Variants in ZFYVE28 observed in about 807,000 individuals in gnomAD.
ZFYVE28 encodes zinc finger FYVE-type containing 28.
ZFYVE28 carries 40 observed loss-of-function variants against 82.1 expected under a neutral mutation model. The observed-to-expected ratio is 0.49, with a 90% confidence interval of 0.38 to 0.63. ZFYVE28 has a LOEUF of 0.63. Among genes scored for constraint, ZFYVE28 ranks in the 30% least tolerant of loss-of-function variants. The pLI is 0.00. For missense variants in ZFYVE28, 1,321 were observed against 1,242.1 expected, an observed-to-expected ratio of 1.06 and a Z score of -0.96; for synonymous variants, 612 against 546.1, an observed-to-expected ratio of 1.12 and a Z score of -1.68.
At chr4:2,376,711 G>A (rs959608430) in intron 1 of ZFYVE28, among the ~76,000 whole-genome samples, 11 of 152,226 alleles carry the variant, frequency 7.2e-5, no homozygotes, top group East Asian at 1.9e-4. Flanking sequence ...TCCCTCCCAC[G>A]ACATGTGGGG....
At chr4:2,272,656 T>C (rs1305439044) in intron 10 of ZFYVE28, among the ~76,000 whole-genome samples, 1 of 152,164 alleles carries the variant, frequency 6.6e-6, no homozygotes, top group Non-Finnish European at 1.5e-5. Context: ...CCTCAGCAGC[T>C]CATGGGCAGC....
At chr4:2,284,202 C>T (rs1712385882) in intron 8 of ZFYVE28, among the ~76,000 whole-genome samples, 1 of 152,190 alleles carries the variant, frequency 6.6e-6, no homozygotes, top group Admixed American at 6.5e-5. Context: ...GGGAGTCAGC[C>T]AGCCTGCAAA....
At chr4:2,289,603 G>A (rs1245342775) in intron 8 of ZFYVE28, among the ~76,000 whole-genome samples, 1 of 152,096 alleles carries the variant, frequency 6.6e-6, no homozygotes, top group Non-Finnish European at 1.5e-5. Flanking sequence ...CAGCCCCATC[G>A]CCCCCTGGGG....
At chr4:2,395,131 C>T (rs4974654) in intron 1 of ZFYVE28, among the ~76,000 whole-genome samples, 18,628 of 152,046 alleles carry the variant, frequency 0.12, 1,300 homozygotes, top group Non-Finnish European at 0.14. Context: ...CACTGGTGTC[C>T]GATCCTGGCA....
chr4:2,397,343 C>A (rs6827437), intron 1 of ZFYVE28, among the ~76,000 whole-genome samples: 1 of 151,600 alleles, frequency 6.6e-6, no homozygotes, highest in African/African-American at 2.4e-5. Flanking sequence ...CCTTACGTGG[C>A]GGCACGTGCC....
intron 1 of ZFYVE28, among the ~76,000 whole-genome samples, chr4:2,403,874 CAGG>C (rs1731478770): frequency 6.7e-6 from 1 of 150,322 alleles, no homozygotes; most frequent in Non-Finnish European, 1.5e-5. Context: ...GAGGCTAAGG[CAGG>C]AGAATAGCTT....
At chr4:2,353,892 GC>G in intron 2 of ZFYVE28, 40 bp downstream of exon 2, 1 of 1,448,758 alleles carries the variant, frequency 6.9e-7, no homozygotes. Context: ...TCTGTCCAAT[GC>G]CCAGCGGGGC....
At chr4:2,414,915 A>C (rs1360305849) in intron 1 of ZFYVE28, among the ~76,000 whole-genome samples, 4 of 152,242 alleles carry the variant, frequency 2.6e-5, no homozygotes, top group African/African-American at 4.8e-5. Context: ...TCTTGAAAAG[A>C]CTTTAAAGAA....
intron 6 of ZFYVE28, chr4:2,331,063 A>T (rs1720610144): frequency 3.2e-6 from 3 of 929,910 alleles, no homozygotes; most frequent in Admixed American, 3.2e-5. Context: ...GGAGGAAGGC[A>T]GGGGTAGACG....
chr4:2,414,118 G>A (rs2108691042), intron 1 of ZFYVE28, among the ~76,000 whole-genome samples: 1 of 152,358 alleles, frequency 6.6e-6, no homozygotes, highest in Non-Finnish European at 1.5e-5. Flanking sequence ...GGTGGCCAAG[G>A]TACAGAGTGC....
At chr4:2,350,428 C>T (rs1035584311) in intron 2 of ZFYVE28, among the ~76,000 whole-genome samples, 1 of 151,352 alleles carries the variant, frequency 6.6e-6, no homozygotes, top group South Asian at 2.1e-4. Context: ...CGCGCCACTG[C>T]ACTCCAGCCT....
At position 2,408,460 on chromosome 4, in the gene ZFYVE28, A is replaced by C. The variant is rs1464357089; in HGVS notation, c.39+9825T>G. 2.6e-5 allele frequency among the ~76,000 whole-genome samples: 4 copies of C among 152,090 alleles called. No homozygotes were observed. The highest frequency in any genetic ancestry group is 5.9e-5 in the Non-Finnish European group (4 of 67,994). ...TGCCACTCTGCTCCACTGCCCTGAG[A>C]CTCAGCATCGGGGAGAAAGCCTGGA... On this transcript the variant is annotated intron_variant, in intron 1 of 12. Transcript: ENST00000290974. This position sits in a 1 kb window ranked among gnomAD's most constrained non-coding sequence, Gnocchi z 4.3.
rs1019903530 is a variant in ZFYVE28 at position 2,339,909 on chromosome 4, G to A, written c.319-254C>T. Among the ~76,000 whole-genome samples the A allele has an allele frequency of 3.3e-5, 5 of 150,762 alleles. No individual in the cohort carries two copies. The highest frequency in any genetic ancestry group is 1.2e-4 in the African/African-American group (5 of 41,078). On this transcript the variant is annotated intron_variant, in intron 3 of 12. Transcript: ENST00000290974. This position sits in a 1 kb window ranked among gnomAD's most constrained non-coding sequence, Gnocchi z 5.0. ...GGAGCAGGGAGGGCAGGGCATGGCA[G>A]GGCAGGTAAGGGCAGGGGAGGGGAG... is the stretch of plus-strand genomic sequence containing the variant.
intron 6 of ZFYVE28, among the ~76,000 whole-genome samples, chr4:2,322,922 G>A (rs534165394): frequency 2.6e-5 from 4 of 152,276 alleles, no homozygotes; most frequent in East Asian, 1.9e-4. Context: ...GAATGTTCCC[G>A]CGCATACATT....
intron 12 of ZFYVE28, 181 bp from the exon 13 acceptor site, chr4:2,271,037 T>G: frequency 1.1e-6 from 1 of 916,984 alleles, no homozygotes; most frequent in South Asian, 1.7e-5. Flanking sequence ...GTCCACGTCC[T>G]GCACCAAGGC....
Position 2,354,026 on chromosome 4 carries a change from C to T in ZFYVE28, c.87G>A (p.Glu29=). The T allele has an allele frequency of 1.3e-6, 2 of 1,579,328 alleles. No homozygotes were observed. Among genetic ancestry groups the T allele is most frequent in the South Asian group, 1.2e-5 (1 of 85,720 alleles). The change falls in exon 2 of 13, where the codon GAG becomes GAA. Residue 29 remains glutamate (E), a synonymous_variant. Coordinates refer to ENST00000290974, the MANE Select transcript of ZFYVE28 (RefSeq NM_020972.3). ...LLARFYYADE[E]LNQVAAELDS... ...CCAGCTCCGCGGCCACCTGGTTCAG[C>T]TCCTCGTCGGCATAGTAGAACCGGG... is the stretch of plus-strand genomic sequence containing the variant.
chr4:2,339,775 C>T lies in ZFYVE28; in HGVS notation c.319-120G>A. 2 of 848,584 alleles carry T rather than the reference C, an allele frequency of 2.4e-6. No homozygotes were observed. Among genetic ancestry groups the T allele is most frequent in the South Asian group, 1.8e-5 (1 of 56,140 alleles). The allele number at this position is 848,584 out of a possible 1,614,324, so 52.6% of individuals were successfully genotyped here. On this transcript the variant is annotated intron_variant, in intron 3 of 12. Coordinates refer to ENST00000290974, the MANE Select transcript of ZFYVE28 (RefSeq NM_020972.3). This position sits in a 1 kb window ranked among gnomAD's most constrained non-coding sequence, Gnocchi z 5.0. ...CCTCTTCTCACCCCACAGCACAGGC[C>T]AGCTCGTGTTCCCGGTCCCCGCAGG...
At position 2,304,446 on chromosome 4, in the gene ZFYVE28, C is replaced by T. The variant is rs759221803; in HGVS notation, c.1894G>A (p.Asp632Asn). 37 of 1,613,500 alleles carry T rather than the reference C, an allele frequency of 2.3e-5. No individual in the cohort carries two copies. The highest frequency in any genetic ancestry group is 5.3e-5 in the African/African-American group (4 of 74,946). ...NGREPKAPTS[D>N]KCLPHTSGSQ... Reference sequence around the variant, plus strand: ...CCTGAGGTGTGAGGCAGGCACTTGTCGGAAGTGGGGGCTTTGGGCTCCCGC... The same window carrying T: ...CCTGAGGTGTGAGGCAGGCACTTGTTGGAAGTGGGGGCTTTGGGCTCCCGC... The change falls in exon 8 of 13, where the codon GAC becomes AAC. Residue 632 changes from aspartate (D) to asparagine (N), a missense_variant. Asp to Asn is a conservative substitution (Grantham distance 23). Around this residue, in one of 2 missense-constraint regions of ZFYVE28, gnomAD observed 978 missense variants for 833.7 expected, o/e 1.17. Transcript: ENST00000290974.
At chr4:2,296,001 A>G (rs1714509254) in intron 8 of ZFYVE28, among the ~76,000 whole-genome samples, 1 of 152,056 alleles carries the variant, frequency 6.6e-6, no homozygotes, top group Non-Finnish European at 1.5e-5. Flanking sequence ...GCTAGGGGAG[A>G]AGCTGTGGTC....
Sources: gnomAD v4.1 joint callset for allele counts (sites outside exome capture counted in the v4.1 genomes callset) on GRCh38, gnomAD v4.1.1 for gene constraint, gnomAD v4.1.1 regional missense constraint, Gnocchi (gnomAD v3.1) non-coding constraint, MANE v1.5 for transcripts, NCBI Gene and HGNC (gene_info 2026-07-23, HGNC 2026-07-21) for gene names.